ABCA12: variants seen among roughly 807,000 people sequenced by gnomAD.
ABCA12 encodes the protein ATP binding cassette subfamily A member 12, also known as glucosylceramide transporter ABCA12.
In ABCA12, 156 loss-of-function variants were observed where a neutral mutation model predicts 293.5. The observed-to-expected ratio is 0.53, with a 90% CI of 0.47 to 0.61. The LOEUF is 0.61. Ranked by LOEUF, ABCA12 falls within the 20% of genes least tolerant of loss-of-function variation. The pLI, the probability that ABCA12 is intolerant of heterozygous loss-of-function variation, is 0.00. For synonymous variants in ABCA12, 1,063 were observed against 1,108.0 expected (o/e 0.96, Z 0.81); for missense variants, 2,797 against 3,090.2 (o/e 0.91, Z 2.25).
chr2:214,991,740 T>G (rs944613971), intron 23 of ABCA12, among the ~76,000 whole-genome samples: 1 of 152,214 alleles, frequency 6.6e-6, no homozygotes, highest in Non-Finnish European at 1.5e-5. Context: ...ATTGATATTC[T>G]TTGATACCTC....
intron 18 of ABCA12, among the ~76,000 whole-genome samples, chr2:215,008,280 T>C (rs1700297150): frequency 6.6e-6 from 1 of 151,600 alleles, no homozygotes; most frequent in African/African-American, 2.4e-5. Context: ...TAAAATAAAA[T>C]GCAATATCCT....
chr2:215,036,866 A>T, intron 8 of ABCA12, 87 bp downstream of exon 8: 1 of 1,146,364 alleles, frequency 8.7e-7, no homozygotes, highest in Admixed American at 1.7e-5. Flanking sequence ...TATCATCTCT[A>T]CATGATTACT....
At chr2:214,991,149 T>A in intron 23 of ABCA12, 118 bp from the exon 24 acceptor site, 3 of 918,310 alleles carry the variant, frequency 3.3e-6, no homozygotes, top group South Asian at 1.4e-5. Context: ...CTAGGCATTT[T>A]AATAATTTAC....
Position 215,093,494 on chromosome 2 carries a change from G to A in ABCA12, c.163+18103C>T, listed in dbSNP as rs999438782. Among the ~76,000 whole-genome samples, 106 of 152,226 alleles carry A rather than the reference G, an allele frequency of 7.0e-4. 1 individual carries two copies. The highest frequency in any genetic ancestry group is 2.5e-3 in the African/African-American group (102 of 41,534). ...CAACTCTTTTTCATTACACACAGCC[G>A]AAGTGCAGGGCTGTGCGGTTAGAAT... On this transcript the variant is annotated intron_variant, in intron 2 of 52. Coordinates refer to ENST00000272895, the MANE Select transcript of ABCA12 (RefSeq NM_173076.3).
At chr2:215,077,131 A>G (rs1294662814) in intron 2 of ABCA12, among the ~76,000 whole-genome samples, 1 of 152,212 alleles carries the variant, frequency 6.6e-6, no homozygotes, top group African/African-American at 2.4e-5. Context: ...TTAAATGATA[A>G]CACAAATAGA....
chr2:215,087,154 C>G (rs1451425796), intron 2 of ABCA12, among the ~76,000 whole-genome samples: 1 of 152,074 alleles, frequency 6.6e-6, no homozygotes, highest in East Asian at 1.9e-4. Flanking sequence ...GTTGGTCAGG[C>G]CTGTCTCAAA....
At chr2:215,126,661 T>C (rs958836317) in intron 1 of ABCA12, among the ~76,000 whole-genome samples, 7 of 152,192 alleles carry the variant, frequency 4.6e-5, no homozygotes, top group African/African-American at 1.4e-4. Flanking sequence ...TTGTTTTGTT[T>C]CTTAGTGAAG....
chr2:215,104,500 C>T (rs563333999), intron 2 of ABCA12, among the ~76,000 whole-genome samples: 13 of 152,254 alleles, frequency 8.5e-5, no homozygotes, highest in East Asian at 5.8e-4. Flanking sequence ...TCCACATCTT[C>T]GACCCCTCTG....
chr2:215,031,395 A>G (rs1007793523), intron 9 of ABCA12, among the ~76,000 whole-genome samples: 3 of 152,208 alleles, frequency 2.0e-5, no homozygotes, highest in African/African-American at 7.2e-5. Context: ...AACCCCCAAG[A>G]TGATGGTATT....
intron 1 of ABCA12, among the ~76,000 whole-genome samples, chr2:215,123,118 C>G (rs1488650316): frequency 6.6e-6 from 1 of 152,138 alleles, no homozygotes. Context: ...TGATTTCATT[C>G]TTTTTTATGG....
intron 18 of ABCA12, 106 bp downstream of exon 18, chr2:215,010,224 AG>A: frequency 1.5e-6 from 2 of 1,335,556 alleles, no homozygotes; most frequent in South Asian, 2.4e-5. Context: ...TAATAATAAT[AG>A]TAGGTAAGAT....
In ABCA12 at chr2:214,938,647, G is replaced by A. The variant is rs534531370; in HGVS notation, c.7437-1032C>T. On this transcript the variant is annotated intron_variant, in intron 50 of 52. Coordinates refer to ENST00000272895, the MANE Select transcript of ABCA12 (RefSeq NM_173076.3). ...ATCTGTTGTTTCCTAACTTTTTAAC[G>A]ATCACCATTCTAACTGGCGTGAGAT... Among the ~76,000 whole-genome samples, 45 of 152,144 alleles carry A rather than the reference G, an allele frequency of 3.0e-4. No individual in the cohort carries two copies. The South Asian group carries it at 5.6e-3, about 19-fold the overall frequency.
At chr2:215,010,703 T>C (rs1167066212) in intron 17 of ABCA12, among the ~76,000 whole-genome samples, 1 of 152,158 alleles carries the variant, frequency 6.6e-6, no homozygotes, top group Non-Finnish European at 1.5e-5. Flanking sequence ...TGATGGCATT[T>C]TGCCAGGAGG....
intron 2 of ABCA12, among the ~76,000 whole-genome samples, chr2:215,109,921 T>C (rs1271803019): frequency 6.6e-6 from 1 of 152,174 alleles, no homozygotes; most frequent in Admixed American, 6.5e-5. Context: ...TGTTAGAAAA[T>C]TGATAGTTAG....
intron 11 of ABCA12, 110 bp downstream of exon 11, chr2:215,025,563 A>C: frequency 1.4e-6 from 1 of 735,614 alleles, no homozygotes; most frequent in South Asian, 1.7e-5. Flanking sequence ...TTAAAACTTA[A>C]AAGTGTATCT....
chr2:214,973,849 G>T, intron 36 of ABCA12, 100 bp downstream of exon 36: 1 of 1,036,188 alleles, frequency 9.7e-7, no homozygotes, highest in South Asian at 1.3e-5. Flanking sequence ...TCCATAAAAT[G>T]AACTTATACT....
At chr2:215,004,842 T>C (rs1163235642) in intron 19 of ABCA12, 1 of 152,868 alleles carries the variant, frequency 6.5e-6, no homozygotes, top group Non-Finnish European at 1.5e-5. Context: ...GAATAGTCCA[T>C]TTCAATTATT....
At chr2:214,998,446 C>T (rs574280878) in intron 22 of ABCA12, among the ~76,000 whole-genome samples, 125 of 152,306 alleles carry the variant, frequency 8.2e-4, no homozygotes, top group Middle Eastern at 3.4e-3. Flanking sequence ...GCATGAGTCA[C>T]TGTGCCTGGC....
chr2:215,138,203 A>C lies in ABCA12; in HGVS notation c.6T>G (p.Ala2=). 1.9e-6 allele frequency: 3 copies of C among 1,614,100 alleles called. No individual in the cohort carries two copies. The highest frequency in any genetic ancestry group is 2.5e-6 in the Non-Finnish European group (3 of 1,179,988). The change falls in exon 1 of 53, where the codon GCT becomes GCG. Residue 2 remains alanine, a synonymous_variant. Coordinates refer to ENST00000272895, the MANE Select transcript of ABCA12 (RefSeq NM_173076.3). ...GGATCTGAAGCTGATGAAACAGGGAAGCCATCCTTCAAATGCCCCAAATGA... is the reference window on the plus strand; with the variant it reads ...GGATCTGAAGCTGATGAAACAGGGACGCCATCCTTCAAATGCCCCAAATGA... M[A]SLFHQLQILV...
Sources: gnomAD v4.1 joint callset for allele counts (sites outside exome capture counted in the v4.1 genomes callset) on GRCh38, gnomAD v4.1.1 for gene constraint, MANE v1.5 for transcripts, NCBI Gene and HGNC (gene_info 2026-07-23, HGNC 2026-07-21) for gene names.